The following PRAC1 variants were observed in gnomAD, a reference collection of about 807,000 sequenced individuals.
PRAC1 encodes small nuclear protein PRAC1.
Under a neutral mutation model 3.1 loss-of-function variants are expected in PRAC1, and 4 were observed. The ratio of observed to expected loss-of-function variants is 1.28; its 90% CI spans 0.63 to 2.93. The LOEUF (loss-of-function observed/expected upper bound fraction) is 2.93. PRAC1 is among the 30% of genes most tolerant of loss of function. The pLI is 0.01. For synonymous variants in PRAC1, 32 were observed against 27.0 expected (o/e 1.18, Z -0.57); for missense variants, 72 against 66.8 (o/e 1.08, Z -0.27).
In PRAC1 at chr17:48,722,434, C is replaced by A; in HGVS notation, c.-42G>T. ...AAGGTGGGGACCAGAATCCAGCTTG[C>A]CTGACCTTGCAAGCAAGCATCGGCC... On this transcript the variant is annotated 5_prime_UTR_variant, in exon 1 of 2. Coordinates refer to ENST00000290294, the MANE Select transcript of PRAC1 (RefSeq NM_032391.3). 6.3e-7 allele frequency: 1 copy of A among 1,577,434 alleles called. No homozygotes were observed. The highest frequency in any genetic ancestry group is 8.7e-7 in the Non-Finnish European group (1 of 1,146,536).
chr17:48,722,232 TG>T, intron 1 of PRAC1, 85 bp downstream of exon 1: 1 of 1,162,924 alleles, frequency 8.6e-7, no homozygotes, highest in Non-Finnish European at 1.3e-6. Context: ...CCCAAATTCC[TG>T]GGAGACCCTC....
Position 48,722,367 on chromosome 17 carries a change from TGATCTGA to T in PRAC1, c.19_25del (p.Ser7LysfsTer22), listed in dbSNP as rs756091486. 1.2e-6 allele frequency: 2 copies of T among 1,614,162 alleles called. No individual in the cohort carries two copies. The highest frequency in any genetic ancestry group is 3.3e-5 in the Admixed American group (2 of 60,028). Reference sequence around the variant, plus strand: ...GGAGGTAGTAAGATGGGCCGGTCCTTGATCTGAGAAATGGGCGCACAACATCGCTGTT... The same window carrying T: ...GGAGGTAGTAAGATGGGCCGGTCCTTGAAATGGGCGCACAACATCGCTGTT... On this transcript the variant is annotated frameshift_variant, in exon 1 of 2. Coordinates refer to ENST00000290294, the MANE Select transcript of PRAC1 (RefSeq NM_032391.3). LOFTEE classifies it low-confidence loss of function (END_TRUNC).
chr17:48,722,043 A>T, intron 1 of PRAC1, 144 bp from the exon 2 acceptor site: 1 of 963,412 alleles, frequency 1.0e-6, no homozygotes, highest in South Asian at 1.9e-5. Context: ...TCCCACTCCC[A>T]AGCCTCTCCC....
intron 1 of PRAC1, 90 bp downstream of exon 1, chr17:48,722,227 AT>A: frequency 8.9e-7 from 1 of 1,120,278 alleles, no homozygotes; most frequent in Non-Finnish European, 1.3e-6. Context: ...AGGCTCCCAA[AT>A]TCCTGGGAGA....
Position 48,722,413 on chromosome 17 carries a change from T to G in PRAC1, c.-21A>C, listed in dbSNP as rs117391237. 23,117 of 1,612,074 alleles carry G rather than the reference T, an allele frequency of 0.014. 204 individuals carry two copies. Among genetic ancestry groups the G allele is most frequent in the Non-Finnish European group, 0.018 (21,233 of 1,178,134 alleles). ...AACATCGCTGTTCTCTCTGCAAAGGTGGGGACCAGAATCCAGCTTGCCTGA... is the reference window on the plus strand; with the variant it reads ...AACATCGCTGTTCTCTCTGCAAAGGGGGGGACCAGAATCCAGCTTGCCTGA... On this transcript the variant is annotated 5_prime_UTR_variant, in exon 1 of 2. Coordinates refer to ENST00000290294, the MANE Select transcript of PRAC1 (RefSeq NM_032391.3).
At position 48,721,919 on chromosome 17, in the gene PRAC1, T is replaced by G. The variant is rs896079307; in HGVS notation, c.76-20A>C. ...TGTTTTCTAAAATATTTTACAATAT[T>G]TACAAATTTTAAATAATAATAACGT... On this transcript the variant is annotated intron_variant, in intron 1 of 1. Coordinates refer to ENST00000290294, the MANE Select transcript of PRAC1 (RefSeq NM_032391.3). 6 of 1,494,734 alleles carry G rather than the reference T, an allele frequency of 4.0e-6. No homozygotes were observed. Among genetic ancestry groups the G allele is most frequent in the Admixed American group, 2.4e-5 (1 of 42,106 alleles). The allele number at this position is 1,494,734 out of a possible 1,614,324, so 92.6% of individuals were successfully genotyped here.
Position 48,722,311 on chromosome 17 carries a change from A to G in PRAC1, c.75+7T>C, listed in dbSNP as rs373273135. 627 of 1,611,574 alleles carry G rather than the reference A, an allele frequency of 3.9e-4. No individual in the cohort carries two copies. The highest frequency in any genetic ancestry group is 4.8e-4 in the Non-Finnish European group (566 of 1,177,784). On this transcript the variant is annotated splice_region_variant and intron_variant, in intron 1 of 1. Coordinates refer to ENST00000290294, the MANE Select transcript of PRAC1 (RefSeq NM_032391.3). ...CGATAACGCCCTTGGCCCACCGATCAGTTTACCTTATTAGAGAGAAAAGCA... is the reference window on the plus strand; with the variant it reads ...CGATAACGCCCTTGGCCCACCGATCGGTTTACCTTATTAGAGAGAAAAGCA...
chr17:48,722,394 G>T lies in PRAC1; in HGVS notation c.-2C>A, dbSNP rs370875142. On this transcript the variant is annotated 5_prime_UTR_variant, in exon 1 of 2. Transcript: ENST00000290294. ...ATCTGAGAAATGGGCGCACAACATC[G>T]CTGTTCTCTCTGCAAAGGTGGGGAC... 1 of 1,613,838 alleles carries T rather than the reference G, an allele frequency of 6.2e-7. No individual in the cohort carries two copies. The highest frequency in any genetic ancestry group is 1.3e-5 in the African/African-American group (1 of 74,942).
rs1450295213 is a variant in PRAC1 at position 48,721,747 on chromosome 17, T to G, written c.*54A>C. On this transcript the variant is annotated 3_prime_UTR_variant, in exon 2 of 2. Transcript: ENST00000290294. ...CCTTTTTTAAAAAAATTTTATTGTA[T>G]AAATAGAGACAGCGTCTTGCTACAT... 7.0e-7 allele frequency: 1 copy of G among 1,432,762 alleles called. No homozygotes were observed. The highest frequency in any genetic ancestry group is 9.2e-7 in the Non-Finnish European group (1 of 1,087,262). The allele number at this position is 1,432,762 out of a possible 1,614,324, so 88.8% of individuals were successfully genotyped here. A position where few individuals can be genotyped will look rare whatever the true frequency, so the allele number is the denominator to read the frequency against.
chr17:48,722,170 G>A (rs2038152337), intron 1 of PRAC1, 148 bp downstream of exon 1: 2 of 729,088 alleles, frequency 2.7e-6, no homozygotes, highest in South Asian at 1.9e-5. Flanking sequence ...AGGTGGTATC[G>A]GTGAAAGCCT....
intron 1 of PRAC1, 75 bp from the exon 2 acceptor site, chr17:48,721,974 C>T (rs903395721): frequency 2.9e-6 from 4 of 1,395,306 alleles, no homozygotes; most frequent in Non-Finnish European, 2.9e-6. Context: ...TATGCCAGGA[C>T]TCCATCCCAT....
intron 1 of PRAC1, among the ~76,000 whole-genome samples, 156 bp from the exon 2 acceptor site, chr17:48,722,055 C>A (rs1329274679): frequency 2.6e-5 from 4 of 152,246 alleles, no homozygotes; most frequent in African/African-American, 9.6e-5. Flanking sequence ...GCCTCTCCCC[C>A]GCCTAGGTCC....
chr17:48,722,185 C>T (rs2038152520), intron 1 of PRAC1, 133 bp downstream of exon 1: 1 of 785,812 alleles, frequency 1.3e-6, no homozygotes, highest in African/African-American at 1.7e-5. Flanking sequence ...AAGCCTGCTG[C>T]TCACCCTTCC....
At chr17:48,722,255 C>G in intron 1 of PRAC1, 63 bp downstream of exon 1, 1 of 1,407,182 alleles carries the variant, frequency 7.1e-7, no homozygotes, top group Non-Finnish European at 1.0e-6. Context: ...CCCAGGGCCT[C>G]CTGATGCAGC....
At chr17:48,722,200 T>G in intron 1 of PRAC1, 118 bp downstream of exon 1, 1 of 873,926 alleles carries the variant, frequency 1.1e-6, no homozygotes, top group East Asian at 2.5e-5. Context: ...CCTTCCCTTG[T>G]TTCCCAAAAC....
chr17:48,721,947 T>C (rs1178763229), intron 1 of PRAC1, 48 bp from the exon 2 acceptor site: 6 of 1,462,830 alleles, frequency 4.1e-6, no homozygotes, highest in Non-Finnish European at 5.5e-6. Flanking sequence ...AATAACGTTA[T>C]CAATATTAAT....
chr17:48,721,942 C>A (rs1473251224), intron 1 of PRAC1, 43 bp from the exon 2 acceptor site: 2 of 1,466,928 alleles, frequency 1.4e-6, no homozygotes, highest in Admixed American at 2.4e-5. Flanking sequence ...ATAATAATAA[C>A]GTTATCAATA....
In PRAC1 at chr17:48,722,461, A is replaced by G; in HGVS notation, c.-69T>C. 2.1e-6 allele frequency: 3 copies of G among 1,404,904 alleles called. No individual in the cohort carries two copies. Among genetic ancestry groups the G allele is most frequent in the Non-Finnish European group, 3.0e-6 (3 of 989,918 alleles). 87.0% of individuals were successfully genotyped at this position (1,404,904 alleles called of 1,614,324 possible). On this transcript the variant is annotated 5_prime_UTR_variant, in exon 1 of 2. Transcript: ENST00000290294. The stretch of plus-strand genomic sequence containing the variant: ...TGACCTTGCAAGCAAGCATCGGCCT[A>G]AAGGTTTCAGCCTCCCAGTGGCGCT...
At chr17:48,722,219 G>C (rs775359803) in intron 1 of PRAC1, 99 bp downstream of exon 1, 7 of 1,015,642 alleles carry the variant, frequency 6.9e-6, no homozygotes, top group African/African-American at 4.8e-5. Context: ...ACTTCTGAAG[G>C]CTCCCAAATT....
Sources: gnomAD v4.1 joint callset for allele counts (sites outside exome capture counted in the v4.1 genomes callset) on GRCh38, gnomAD v4.1.1 for gene constraint, MANE v1.5 for transcripts, NCBI Gene and HGNC (gene_info 2026-07-23, HGNC 2026-07-21) for gene names.